The following FILIP1 variants were observed in gnomAD, a reference collection of about 807,000 sequenced individuals.
The protein encoded by FILIP1 is filamin-A-interacting protein 1.
Under a neutral mutation model 102.1 loss-of-function variants are expected in FILIP1, and 61 were observed. The ratio of observed to expected loss-of-function variants is 0.60; its 90% confidence interval spans 0.49 to 0.74. FILIP1 has a LOEUF of 0.74. Among genes scored for constraint, FILIP1 ranks in the 30% least tolerant of loss-of-function variants. The pLI is 0.00. For synonymous variants in FILIP1, 491 were observed against 526.9 expected (o/e 0.93, Z 0.93); for missense variants, 1,314 against 1,441.2 (o/e 0.91, Z 1.43).
Position 75,314,354 on chromosome 6 carries a change from CT to C in FILIP1, c.1477del (p.Ser493AlafsTer2). 6.6e-7 allele frequency: 1 copy of C among 1,518,976 alleles called. No homozygotes were observed. Among genetic ancestry groups the C allele is most frequent in the African/African-American group, 1.4e-5 (1 of 71,368 alleles). The allele number at this position is 1,518,976 out of a possible 1,614,324, so 94.1% of individuals were successfully genotyped here. ...CAACTTGGTAAGATCATCTTTTAGG[CT>C]TAATTCAGCCTTTTCCAATCTACTT... ...SESRLEKAEL[S>X]LKDDLTKLKS... is the part of the protein sequence containing the mutation. On this transcript the variant is annotated frameshift_variant, in exon 5 of 6. Transcript: ENST00000237172. LOFTEE classifies it high-confidence loss of function.
In FILIP1 at chr6:75,323,955, T is replaced by C. The variant is rs181555961; in HGVS notation, c.630-8753A>G. Among the ~76,000 whole-genome samples, 4 of 152,324 alleles carry C rather than the reference T, an allele frequency of 2.6e-5. No homozygotes were observed. In the East Asian group the frequency reaches 7.7e-4, roughly 29 times the overall value. ...GTGAAGAAGGTACTTAACTTCTCTT[T>C]TGCCTTTCACCATGATTATAAGTTT... On this transcript the variant is annotated intron_variant, in intron 4 of 5. Transcript: ENST00000237172.
chr6:75,336,105 A>G (rs1178217320), intron 4 of FILIP1, among the ~76,000 whole-genome samples: 1 of 152,102 alleles, frequency 6.6e-6, no homozygotes, highest in Non-Finnish European at 1.5e-5. Context: ...TTTGTTTTTT[A>G]GCTATTTTTT....
chr6:75,311,069 C>CTTAA (rs1453986668), intron 5 of FILIP1, among the ~76,000 whole-genome samples: 6 of 152,140 alleles, frequency 3.9e-5, no homozygotes, highest in Non-Finnish European at 7.3e-5. Flanking sequence ...AGTCTATTAG[C>CTTAA]TTAAGTTAAC....
At chr6:75,296,026 A>T (rs1772657901) in intron 6 of FILIP1, 3 of 1,014,784 alleles carry the variant, frequency 3.0e-6, no homozygotes. Flanking sequence ...TCACTAAAAG[A>T]TCATAGATGT....
chr6:75,326,357 A>G (rs1404150980), intron 4 of FILIP1, among the ~76,000 whole-genome samples: 1 of 152,136 alleles, frequency 6.6e-6, no homozygotes, highest in Non-Finnish European at 1.5e-5. Context: ...GAAGTGGGGT[A>G]GAGGGGTAAA....
chr6:75,412,601 C>T lies in FILIP1; in HGVS notation c.276+2096G>A, dbSNP rs141213458. On this transcript the variant is annotated intron_variant, in intron 2 of 5. Coordinates refer to ENST00000237172, the MANE Select transcript of FILIP1 (RefSeq NM_015687.5). ...ATTTGCTAATGTTAACTCCCTCCCA[C>T]TCTTAGCTACAACACCTCCCATATG... 7.2e-3 allele frequency among the ~76,000 whole-genome samples: 1,091 copies of T among 152,242 alleles called. 11 individuals are homozygous for T. The highest frequency in any genetic ancestry group is 0.025 in the African/African-American group (1,051 of 41,550).
chr6:75,493,271 G>C (rs1389862627), intron 1 of FILIP1, 143 bp downstream of exon 1: 2 of 152,348 alleles, frequency 1.3e-5, no homozygotes, highest in Non-Finnish European at 1.5e-5. Context: ...ATTCACAATG[G>C]TTATCGTAAC....
rs183609381 is a variant in FILIP1, at chr6:75,422,788, C to T, written c.-6-7810G>A. The stretch of plus-strand genomic sequence containing the variant: ...AAATTTGCCATTTGATATTGGAATA[C>T]ATTCTTAAATAAATGGTTTGTTATA... On this transcript the variant is annotated intron_variant, in intron 1 of 5. Transcript: ENST00000237172. 7.2e-5 allele frequency among the ~76,000 whole-genome samples: 11 copies of T among 152,282 alleles called. No homozygotes were observed. In the East Asian group the frequency reaches 1.9e-3, roughly 27 times the overall value.
chr6:75,384,796 T>C (rs1776028317), intron 2 of FILIP1: 2 of 128,912 alleles, frequency 1.6e-5, no homozygotes, highest in African/African-American at 5.4e-5. Flanking sequence ...TTTAATTGCT[T>C]TTTTTTTTTT....
At chr6:75,345,705 G>A (rs1290482110) in intron 4 of FILIP1, among the ~76,000 whole-genome samples, 1 of 152,092 alleles carries the variant, frequency 6.6e-6, no homozygotes, top group Non-Finnish European at 1.5e-5. Flanking sequence ...AATCTGCTGT[G>A]GTCAGCCGTC....
chr6:75,442,949 CAAA>C (rs1287934383), intron 1 of FILIP1, among the ~76,000 whole-genome samples: 2 of 152,198 alleles, frequency 1.3e-5, no homozygotes, highest in Non-Finnish European at 2.9e-5. Context: ...AGAGAGGAAA[CAAA>C]GAAGGAAGAA....
At chr6:75,352,468 A>T (rs1355669328) in intron 4 of FILIP1, among the ~76,000 whole-genome samples, 2 of 152,194 alleles carry the variant, frequency 1.3e-5, no homozygotes, top group South Asian at 4.1e-4. Flanking sequence ...TAAAATTTTT[A>T]AAGTTGGGGT....
intron 1 of FILIP1, among the ~76,000 whole-genome samples, chr6:75,476,382 G>A (rs1409263661): frequency 6.6e-6 from 1 of 152,088 alleles, no homozygotes; most frequent in Non-Finnish European, 1.5e-5. Flanking sequence ...TGCTTCTGTA[G>A]TCAGGTCCAG....
chr6:75,482,942 T>C (rs1314965337), intron 1 of FILIP1, among the ~76,000 whole-genome samples: 1 of 152,224 alleles, frequency 6.6e-6, no homozygotes, highest in Non-Finnish European at 1.5e-5. Flanking sequence ...ACGGAATTTA[T>C]TTATCAGGTT....
intron 4 of FILIP1, among the ~76,000 whole-genome samples, chr6:75,331,507 G>C (rs750854919): frequency 2.6e-5 from 4 of 152,160 alleles, no homozygotes; most frequent in Non-Finnish European, 5.9e-5. Context: ...TATATTGCAA[G>C]GCTATGTTAA....
At chr6:75,371,330 C>T (rs2998371) in intron 2 of FILIP1, among the ~76,000 whole-genome samples, 112,200 of 152,092 alleles carry the variant, frequency 0.74, 41,888 homozygotes, top group African/African-American at 0.86. Context: ...ACTGAATATC[C>T]ACCAAAAGAA....
At chr6:75,420,794 G>A (rs758486786) in intron 1 of FILIP1, among the ~76,000 whole-genome samples, 1 of 152,090 alleles carries the variant, frequency 6.6e-6, no homozygotes, top group Non-Finnish European at 1.5e-5. Context: ...TAATTACTTG[G>A]CACTTTTCAC....
At chr6:75,372,367 CAAA>C (rs1224463218) in intron 2 of FILIP1, among the ~76,000 whole-genome samples, 2 of 48,960 alleles carry the variant, frequency 4.1e-5, no homozygotes, top group African/African-American at 6.4e-5. Context: ...AACTCTGTCT[CAAA>C]AAAAAAAAAA....
intron 1 of FILIP1, among the ~76,000 whole-genome samples, chr6:75,487,641 G>A (rs1033806034): frequency 6.6e-6 from 1 of 151,950 alleles, no homozygotes; most frequent in Non-Finnish European, 1.5e-5. Flanking sequence ...TGTCTTGGTG[G>A]TGCCAGCAGT....
Sources: allele counts gnomAD v4.1 joint callset (sites outside exome capture counted in the v4.1 genomes callset), GRCh38; gene constraint gnomAD v4.1.1; transcripts MANE v1.5; gene names NCBI Gene and HGNC (gene_info 2026-07-23, HGNC 2026-07-21).